VPS13C: variants seen among roughly 807,000 people sequenced by gnomAD.
VPS13C encodes vacuolar protein sorting 13 homolog C, also known as intermembrane lipid transfer protein VPS13C.
Under a neutral mutation model 456.8 loss-of-function variants are expected in VPS13C, and 358 were observed. The ratio of observed to expected loss-of-function variants is 0.78; its 90% CI spans 0.72 to 0.86. The LOEUF (loss-of-function observed/expected upper bound fraction) is 0.86. Among genes scored for constraint, VPS13C ranks in the 40% least tolerant of loss-of-function variants. The pLI is 0.00. For missense variants in VPS13C, 4,818 were observed against 4,385.4 expected, an observed-to-expected ratio of 1.10 and a Z score of -2.79; for synonymous variants, 1,578 against 1,486.7, an observed-to-expected ratio of 1.06 and a Z score of -1.41.
intron 81 of VPS13C, chr15:61,864,739 C>A (rs1016228775): frequency 1.0e-6 from 1 of 985,320 alleles, no homozygotes; most frequent in Admixed American, 6.2e-5. Context: ...GAGAGGAGTG[C>A]AGATTTCACA....
intron 10 of VPS13C, among the ~76,000 whole-genome samples, 160 bp from the exon 11 acceptor site, chr15:62,013,279 C>G (rs928219300): frequency 6.6e-6 from 1 of 151,902 alleles, no homozygotes; most frequent in Admixed American, 6.6e-5. Context: ...AAAATATATT[C>G]ATGTTATTCA....
chr15:62,034,985 T>A lies in VPS13C; in HGVS notation c.255A>T (p.Gly85=). 8 of 1,601,878 alleles carry A rather than the reference T, an allele frequency of 5.0e-6. No individual in the cohort carries two copies. Among genetic ancestry groups the A allele is most frequent in the South Asian group, 2.2e-5 (2 of 89,216 alleles). The change falls in exon 4 of 85, where the codon GGA becomes GGT. Residue 85 remains glycine, a synonymous_variant. Transcript: ENST00000644861. The part of the protein sequence containing the change: ...YGEAVVATLE[G]LYLLVVPGAS... The stretch of plus-strand genomic sequence containing the variant: ...CTCCAGGGACAACAAGCAGGTATAA[T>A]CCTTCCAGGGTCGCAACAACTGCTT...
At chr15:61,872,761 A>G (rs968144638) in intron 78 of VPS13C, among the ~76,000 whole-genome samples, 9 of 152,106 alleles carry the variant, frequency 5.9e-5, no homozygotes, top group African/African-American at 1.2e-4. Flanking sequence ...CTTATTAACA[A>G]TAACTTTTAA....
chr15:61,872,335 C>A (rs1262657702), intron 78 of VPS13C, among the ~76,000 whole-genome samples: 1 of 152,096 alleles, frequency 6.6e-6, no homozygotes, highest in Non-Finnish European at 1.5e-5. Context: ...CCATGGGTAG[C>A]TGAAATCTCT....
intron 78 of VPS13C, 131 bp downstream of exon 78, chr15:61,873,115 G>A (rs1895156416): frequency 1.5e-5 from 21 of 1,371,992 alleles, no homozygotes; most frequent in Non-Finnish European, 2.1e-5. Context: ...AAACTGGGAA[G>A]TCCATCATTT....
intron 9 of VPS13C, among the ~76,000 whole-genome samples, chr15:62,019,305 C>T (rs1048493529): frequency 3.3e-5 from 5 of 151,910 alleles, no homozygotes; most frequent in Admixed American, 6.6e-5. Context: ...CTGCTCTGAT[C>T]TTAGTTATTT....
chr15:62,008,918 T>C (rs988738212), intron 13 of VPS13C, among the ~76,000 whole-genome samples, 157 bp from the exon 14 acceptor site: 2 of 152,210 alleles, frequency 1.3e-5, no homozygotes, highest in African/African-American at 4.8e-5. Flanking sequence ...TTTAAGATGC[T>C]ATCAATTACA....
chr15:61,896,556 C>T (rs1418331563), intron 66 of VPS13C, among the ~76,000 whole-genome samples: 25 of 152,186 alleles, frequency 1.6e-4, no homozygotes, highest in Middle Eastern at 3.2e-3. Flanking sequence ...GCTTAAAAAA[C>T]GGCGCACCAC....
At chr15:61,862,537 T>A (rs183966178) in intron 82 of VPS13C, among the ~76,000 whole-genome samples, 2 of 152,286 alleles carry the variant, frequency 1.3e-5, no homozygotes, top group Non-Finnish European at 2.9e-5. Flanking sequence ...GTACAATATC[T>A]AAGACAAAAA....
chr15:61,908,299 T>C (rs1287761924), intron 65 of VPS13C, among the ~76,000 whole-genome samples: 1 of 151,984 alleles, frequency 6.6e-6, no homozygotes, highest in East Asian at 1.9e-4. Flanking sequence ...TTAACAAATT[T>C]ACATATATAC....
chr15:61,856,636 G>A (rs1893921133), intron 82 of VPS13C: 2 of 303,562 alleles, frequency 6.6e-6, no homozygotes. Context: ...TTCCCCTTCT[G>A]TCAATCTTGC....
In VPS13C at chr15:61,974,435, T is replaced by A. The variant is rs747874001; in HGVS notation, c.2409-18A>T. 6.2e-7 allele frequency: 1 copy of A among 1,609,298 alleles called. No individual in the cohort carries two copies. The highest frequency in any genetic ancestry group is 1.7e-5 in the Admixed American group (1 of 59,842). ...CTTTAAATCTAAAAATACAATTCAGTGGTTTTAAGTCAGCATCTCTACATT... is the reference window on the plus strand; with the variant it reads ...CTTTAAATCTAAAAATACAATTCAGAGGTTTTAAGTCAGCATCTCTACATT... On this transcript the variant is annotated intron_variant, in intron 24 of 84. Transcript: ENST00000644861.
At chr15:61,886,984 A>G (rs112512984) in intron 67 of VPS13C, among the ~76,000 whole-genome samples, 41 of 152,300 alleles carry the variant, frequency 2.7e-4, no homozygotes, top group African/African-American at 9.9e-4. Flanking sequence ...ATGCTTTCCC[A>G]CCAGGATTAG....
intron 1 of VPS13C, among the ~76,000 whole-genome samples, chr15:62,058,714 T>C (rs2048885607): frequency 6.6e-6 from 1 of 152,202 alleles, no homozygotes; most frequent in African/African-American, 2.4e-5. Flanking sequence ...ATTGTATTGT[T>C]GGGCAAACCA....
At chr15:62,000,104 GTA>G (rs1306704893) in intron 16 of VPS13C, among the ~76,000 whole-genome samples, 1 of 152,088 alleles carries the variant, frequency 6.6e-6, no homozygotes, top group Non-Finnish European at 1.5e-5. Flanking sequence ...GCTCACGCCT[GTA>G]ATCCCAGCAC....
At chr15:61,918,829 A>G (rs1451611716) in intron 58 of VPS13C, among the ~76,000 whole-genome samples, 2 of 152,132 alleles carry the variant, frequency 1.3e-5, no homozygotes, top group Non-Finnish European at 2.9e-5. Flanking sequence ...TAAAACCTTA[A>G]AAGTAGAAAA....
At position 61,869,267 on chromosome 15, in the gene VPS13C, G is replaced by A. The variant is rs530301264; in HGVS notation, c.10748+233C>T. On this transcript the variant is annotated intron_variant, in intron 80 of 84. Transcript: ENST00000644861. ...CGAGTAGCTAGGATTACAGGTGCCC[G>A]CCACCACGCCCAACTAATTTTTGTA... is the stretch of plus-strand genomic sequence containing the variant. Among the ~76,000 whole-genome samples the A allele has an allele frequency of 6.3e-4, 96 of 151,876 alleles. 1 individual carries two copies. The South Asian group carries it at 8.1e-3, about 13-fold the overall frequency.
At chr15:61,922,138 C>T (rs377380367) in intron 54 of VPS13C, 105 bp from the exon 55 acceptor site, 2 of 1,252,524 alleles carry the variant, frequency 1.6e-6, no homozygotes, top group South Asian at 2.8e-5. Flanking sequence ...ATATCATTAG[C>T]CATTTTCAAA....
intron 66 of VPS13C, among the ~76,000 whole-genome samples, chr15:61,901,827 G>T (rs867577211): frequency 7.9e-5 from 12 of 152,094 alleles, no homozygotes; most frequent in Admixed American, 3.3e-4. Context: ...GTTTATTGCG[G>T]AATTATTCAC....
Sources: gnomAD v4.1 joint callset for allele counts (sites outside exome capture counted in the v4.1 genomes callset) on GRCh38, gnomAD v4.1.1 for gene constraint, MANE v1.5 for transcripts, NCBI Gene and HGNC (gene_info 2026-07-23, HGNC 2026-07-21) for gene names.